GRIK3: variants seen among roughly 807,000 people sequenced by gnomAD.
GRIK3 encodes the protein glutamate receptor ionotropic, kainate 3.
Under a neutral mutation model 102.5 loss-of-function variants are expected in GRIK3, and 29 were observed. The observed-to-expected ratio is 0.28, with a 90% CI of 0.21 to 0.39. The LOEUF (loss-of-function observed/expected upper bound fraction) is 0.39. Ranked by LOEUF, GRIK3 falls within the 10% of genes least tolerant of loss-of-function variation. The pLI, the probability that GRIK3 is intolerant of heterozygous loss-of-function variation, is 1.00. For synonymous variants in GRIK3, 511 were observed against 504.9 expected (o/e 1.01, Z -0.16); for missense variants, 908 against 1,252.4 (o/e 0.73, Z 4.15).
chr1:36,904,454 A>G (rs1267217314), intron 1 of GRIK3, among the ~76,000 whole-genome samples: 2 of 152,186 alleles, frequency 1.3e-5, no homozygotes, highest in Non-Finnish European at 2.9e-5. Context: ...AGCCATCGTG[A>G]TTGTGTGTAT....
intron 1 of GRIK3, among the ~76,000 whole-genome samples, chr1:36,979,424 G>A (rs534587101): frequency 2.0e-5 from 3 of 152,324 alleles, no homozygotes; most frequent in Admixed American, 1.3e-4. Context: ...AAGGCTCGGG[G>A]CTTGAAGCTC....
intron 8 of GRIK3, among the ~76,000 whole-genome samples, 195 bp downstream of exon 8, chr1:36,853,420 C>T (rs568092242): frequency 6.6e-6 from 1 of 152,268 alleles, no homozygotes; most frequent in East Asian, 1.9e-4. Flanking sequence ...CTTCTGTACC[C>T]TCCAGTCCAA....
At position 36,984,852 on chromosome 1, in the gene GRIK3, C is replaced by T. The variant is rs577999407; in HGVS notation, c.115+49142G>A. On this transcript the variant is annotated intron_variant, in intron 1 of 15. Coordinates refer to ENST00000373091, the MANE Select transcript of GRIK3 (RefSeq NM_000831.4). Reference sequence around the variant, plus strand: ...AAAGTTGAAAGTTAGCCAGGACATTCCAGGCCTCAGGGGTGTCTCAGGCAG... The same window carrying T: ...AAAGTTGAAAGTTAGCCAGGACATTTCAGGCCTCAGGGGTGTCTCAGGCAG... Among the ~76,000 whole-genome samples, 163 of 152,310 alleles carry T rather than the reference C, an allele frequency of 1.1e-3. 1 individual carries two copies. The highest frequency in any genetic ancestry group is 1.6e-3 in the Non-Finnish European group (108 of 68,030).
intron 1 of GRIK3, among the ~76,000 whole-genome samples, chr1:36,903,042 G>C (rs1481039673): frequency 6.6e-6 from 1 of 152,012 alleles, no homozygotes; most frequent in African/African-American, 2.4e-5. Context: ...TGTCTGCCTC[G>C]GCCTCCCAAA....
At chr1:36,958,130 T>C (rs529685) in intron 1 of GRIK3, among the ~76,000 whole-genome samples, 35,190 of 77,574 alleles carry the variant, frequency 0.45, 8,228 homozygotes, top group African/African-American at 0.62. Context: ...GTCCCATGAG[T>C]CTGTGTGCCC....
At chr1:36,984,108 G>C (rs1330701034) in intron 1 of GRIK3, among the ~76,000 whole-genome samples, 1 of 152,222 alleles carries the variant, frequency 6.6e-6, no homozygotes, top group Non-Finnish European at 1.5e-5. Flanking sequence ...TCCAAACCTT[G>C]CATGCCTGCA....
At chr1:36,959,791 CTGTGT>C (rs1641980115) in intron 1 of GRIK3, among the ~76,000 whole-genome samples, 2 of 122,900 alleles carry the variant, frequency 1.6e-5, no homozygotes. Context: ...CCCTGTGAGC[CTGTGT>C]ACCCCATGAC....
Position 36,872,214 on chromosome 1 carries a change from T to C in GRIK3, c.706A>G (p.Thr236Ala), listed in dbSNP as rs777217293. Residue 236 changes from threonine to alanine, a missense_variant, in exon 4 of 16, where the codon ACT (threonine) becomes GCT (alanine). Coordinates refer to ENST00000373091, the MANE Select transcript of GRIK3 (RefSeq NM_000831.4). The surrounding 1 kb of genome is among the most constrained non-coding windows in gnomAD (Gnocchi z 5.9). The part of the protein sequence containing the change: ...EFRIIFDCSH[T>A]MAAQILKQAM... ...TGCTTGAGGATCTGGGCCGCCATAGTGTGGCTGCAGTCGAAGATAATGCGG... is the reference window on the plus strand; with the variant it reads ...TGCTTGAGGATCTGGGCCGCCATAGCGTGGCTGCAGTCGAAGATAATGCGG... The C allele has an allele frequency of 2.5e-6, 4 of 1,607,348 alleles. No individual in the cohort carries two copies. In the Admixed American group the frequency reaches 6.7e-5, roughly 27 times the overall value.
At chr1:36,982,436 C>T (rs544119798) in intron 1 of GRIK3, among the ~76,000 whole-genome samples, 1 of 152,332 alleles carries the variant, frequency 6.6e-6, no homozygotes, top group African/African-American at 2.4e-5. Context: ...GAAAGCCTCG[C>T]GTCCTTGCTA....
chr1:36,814,330 G>A (rs1267610298), intron 13 of GRIK3, among the ~76,000 whole-genome samples: 1 of 152,174 alleles, frequency 6.6e-6, no homozygotes, highest in East Asian at 1.9e-4. Context: ...CGTTATGCAT[G>A]AGAGATGCTC....
At chr1:36,981,056 T>C (rs1642243717) in intron 1 of GRIK3, among the ~76,000 whole-genome samples, 1 of 152,106 alleles carries the variant, frequency 6.6e-6, no homozygotes, top group Non-Finnish European at 1.5e-5. Context: ...CGTGGGTTAT[T>C]TTAGTTTATC....
chr1:36,966,429 C>T (rs746636367), intron 1 of GRIK3, among the ~76,000 whole-genome samples: 17 of 152,184 alleles, frequency 1.1e-4, no homozygotes, highest in African/African-American at 2.4e-4. Flanking sequence ...ATCAGAACCT[C>T]TTTGCCAGGA....
At chr1:36,925,404 C>T (rs566320844) in intron 1 of GRIK3, among the ~76,000 whole-genome samples, 1 of 152,378 alleles carries the variant, frequency 6.6e-6, no homozygotes, top group East Asian at 1.9e-4. Context: ...AGTTCGTGCC[C>T]TCGGAGCCTT....
intron 1 of GRIK3, among the ~76,000 whole-genome samples, chr1:36,982,934 G>T (rs1038885159): frequency 6.6e-6 from 1 of 152,166 alleles, no homozygotes; most frequent in South Asian, 2.1e-4. Flanking sequence ...CCCAGAACCC[G>T]ATCATCTCCG....
intron 11 of GRIK3, among the ~76,000 whole-genome samples, chr1:36,824,321 T>G (rs1371080922): frequency 2.6e-5 from 4 of 151,908 alleles, no homozygotes; most frequent in Non-Finnish European, 5.9e-5. Flanking sequence ...CTCTGGAGAG[T>G]GGCTCCTGGC....
chr1:36,834,460 A>G (rs1399617629), intron 10 of GRIK3, among the ~76,000 whole-genome samples: 1 of 152,130 alleles, frequency 6.6e-6, no homozygotes, highest in African/African-American at 2.4e-5. Context: ...AAAAGCCCAC[A>G]TATATTTAAA....
At chr1:36,899,804 A>C (rs1641215412) in intron 1 of GRIK3, among the ~76,000 whole-genome samples, 1 of 152,212 alleles carries the variant, frequency 6.6e-6, no homozygotes, top group Non-Finnish European at 1.5e-5. Context: ...GGGTCAAGGA[A>C]CTTTATCAGA....
chr1:36,970,733 T>C (rs1217208957), intron 1 of GRIK3, among the ~76,000 whole-genome samples: 3 of 152,208 alleles, frequency 2.0e-5, no homozygotes, highest in African/African-American at 7.2e-5. Context: ...TTCCTCTTCA[T>C]TGCTGGTCAT....
intron 1 of GRIK3, among the ~76,000 whole-genome samples, chr1:37,024,318 G>A (rs1642744850): frequency 1.3e-5 from 2 of 152,058 alleles, no homozygotes; most frequent in South Asian, 4.2e-4. Context: ...AGAGTCAGTG[G>A]GCATGGTGAT....
Sources: gnomAD v4.1 joint callset for allele counts (sites outside exome capture counted in the v4.1 genomes callset) on GRCh38, gnomAD v4.1.1 for gene constraint, Gnocchi (gnomAD v3.1) non-coding constraint, MANE v1.5 for transcripts, NCBI Gene and HGNC (gene_info 2026-07-23, HGNC 2026-07-21) for gene names.